Variants in NTM observed in about 807,000 individuals in gnomAD.
The protein encoded by NTM is neurotrimin.
In NTM, 13 loss-of-function variants were observed where a neutral mutation model predicts 42.1. The observed-to-expected ratio is 0.31, with a 90% CI of 0.20 to 0.49. The LOEUF is 0.49. Among genes scored for constraint, NTM ranks in the 20% least tolerant of loss-of-function variants. NTM has a pLI of 0.99. For synonymous variants in NTM, 187 were observed against 179.2 expected, an observed-to-expected ratio of 1.04 and a Z score of -0.35; for missense variants, 373 against 452.8, an observed-to-expected ratio of 0.82 and a Z score of 1.60.
intron 1 of NTM, among the ~76,000 whole-genome samples, chr11:131,508,389 G>T (rs1397688956): frequency 6.6e-6 from 1 of 150,636 alleles, no homozygotes; most frequent in Non-Finnish European, 1.5e-5. Flanking sequence ...GAAACAACAG[G>T]TGCTAAAGAG....
At chr11:131,584,738 C>A (rs1165069200) in intron 1 of NTM, among the ~76,000 whole-genome samples, 1 of 152,220 alleles carries the variant, frequency 6.6e-6, no homozygotes, top group Non-Finnish European at 1.5e-5. Flanking sequence ...TCACCCTGGA[C>A]GGAGCCATTT....
At chr11:131,496,560 G>C (rs950658176) in intron 1 of NTM, among the ~76,000 whole-genome samples, 1 of 152,182 alleles carries the variant, frequency 6.6e-6, no homozygotes, top group Admixed American at 6.5e-5. Context: ...TTGCTCCCCC[G>C]AAGGGTCCAC....
At chr11:132,224,197 C>T (rs1350599242) in intron 4 of NTM, among the ~76,000 whole-genome samples, 1 of 152,178 alleles carries the variant, frequency 6.6e-6, no homozygotes, top group Non-Finnish European at 1.5e-5. Context: ...AAACAGACAA[C>T]TCAACATTTT....
At chr11:131,747,629 G>A (rs181984238) in intron 1 of NTM, among the ~76,000 whole-genome samples, 145 of 152,264 alleles carry the variant, frequency 9.5e-4, no homozygotes, top group African/African-American at 3.1e-3. Context: ...GTTCTGTGGG[G>A]CCACATGGAC....
intron 1 of NTM, among the ~76,000 whole-genome samples, chr11:131,852,889 T>C (rs2136851526): frequency 6.7e-6 from 1 of 149,046 alleles, no homozygotes; most frequent in South Asian, 2.1e-4. Context: ...CGTCCATCCA[T>C]CCATCCACCC....
chr11:132,316,913 G>A (rs1350218874), intron 7 of NTM, among the ~76,000 whole-genome samples: 1 of 152,136 alleles, frequency 6.6e-6, no homozygotes, highest in African/African-American at 2.4e-5. Context: ...AGCACACTTG[G>A]GGCAGGTTGG....
intron 3 of NTM, among the ~76,000 whole-genome samples, chr11:132,169,318 T>A (rs1591978357): frequency 7.9e-6 from 1 of 126,292 alleles, no homozygotes; most frequent in Non-Finnish European, 1.7e-5. Flanking sequence ...TTAATTTTTT[T>A]ACTTTTTTTT....
Position 131,568,650 on chromosome 11 carries a change from G to A in NTM, c.82+197762G>A, listed in dbSNP as rs186071568. On this transcript the variant is annotated intron_variant, in intron 1 of 8. Transcript: ENST00000683400. Reference sequence around the variant, plus strand: ...CCACTGAGACAATCCAACATGGTGGGAAGAGATTTCTTCTGCACATACTGG... The same window carrying A: ...CCACTGAGACAATCCAACATGGTGGAAAGAGATTTCTTCTGCACATACTGG... Among the ~76,000 whole-genome samples the A allele has an allele frequency of 1.7e-3, 259 of 152,222 alleles. 1 individual carries two copies. The highest frequency in any genetic ancestry group is 3.1e-3 in the Non-Finnish European group (213 of 68,006).
At chr11:131,869,134 T>C (rs2047515907) in intron 1 of NTM, among the ~76,000 whole-genome samples, 1 of 151,948 alleles carries the variant, frequency 6.6e-6, no homozygotes, top group Non-Finnish European at 1.5e-5. Context: ...CAACTCTCAA[T>C]TGAGAACATG....
chr11:131,802,883 G>C, intron 1 of NTM, among the ~76,000 whole-genome samples: 1 of 152,210 alleles, frequency 6.6e-6, no homozygotes, highest in East Asian at 1.9e-4. Context: ...AACAGCCTTT[G>C]CTGCTGTTGA....
chr11:131,874,401 A>AG (rs2048289387), intron 1 of NTM, among the ~76,000 whole-genome samples: 1 of 152,156 alleles, frequency 6.6e-6, no homozygotes, highest in African/African-American at 2.4e-5. Context: ...TTTAAAAACA[A>AG]AAAAACCAAG....
intron 1 of NTM, among the ~76,000 whole-genome samples, chr11:131,903,306 C>T (rs1349096484): frequency 6.6e-6 from 1 of 152,160 alleles, no homozygotes; most frequent in African/African-American, 2.4e-5. Flanking sequence ...ATAGCCATGT[C>T]CCAGCTAGGC....
chr11:131,654,493 C>T (rs139746917), intron 1 of NTM, among the ~76,000 whole-genome samples: 75 of 152,198 alleles, frequency 4.9e-4, no homozygotes, highest in African/African-American at 1.0e-3. Context: ...TCTCAGAGTC[C>T]GGTCTCTGCC....
intron 1 of NTM, among the ~76,000 whole-genome samples, chr11:131,503,419 G>A (rs763543202): frequency 4.6e-5 from 7 of 152,154 alleles, no homozygotes; most frequent in Admixed American, 2.6e-4. Flanking sequence ...GGTCCTCACC[G>A]AGGAGGGTCA....
At chr11:132,222,033 A>G (rs985394297) in intron 4 of NTM, among the ~76,000 whole-genome samples, 3 of 152,140 alleles carry the variant, frequency 2.0e-5, no homozygotes, top group African/African-American at 7.2e-5. Flanking sequence ...TTCTCACAGC[A>G]TTCTTACAAA....
Position 131,941,882 on chromosome 11 carries a change from G to T in NTM, c.167+30234G>T, listed in dbSNP as rs576898988. Among the ~76,000 whole-genome samples the T allele has an allele frequency of 4.9e-5, 7 of 141,958 alleles. No individual in the cohort carries two copies. In the South Asian group the frequency reaches 1.1e-3, roughly 23 times the overall value. 93.1% of individuals were successfully genotyped at this position (141,958 alleles called of 152,430 possible). On this transcript the variant is annotated intron_variant, in intron 2 of 8. Transcript: ENST00000683400. ...GTGAGGTGTAGATCCATTCTAATGG[G>T]CAGGTGTTTTCTGCATAATCATCCA... is the stretch of plus-strand genomic sequence containing the variant.
intron 1 of NTM, among the ~76,000 whole-genome samples, chr11:131,597,329 GTCTC>G (rs1272057632): frequency 1.3e-5 from 2 of 151,944 alleles, no homozygotes; most frequent in Non-Finnish European, 2.9e-5. Flanking sequence ...CTGTCTCTCT[GTCTC>G]TCTCTGTCTC....
At chr11:132,259,417 C>A (rs552975708) in intron 4 of NTM, among the ~76,000 whole-genome samples, 41 of 152,146 alleles carry the variant, frequency 2.7e-4, no homozygotes, top group African/African-American at 9.9e-4. Context: ...CTTGGTGGCT[C>A]GTGCCTGTAA....
At chr11:131,376,753 A>G (rs1183804062) in intron 1 of NTM, among the ~76,000 whole-genome samples, 1 of 150,162 alleles carries the variant, frequency 6.7e-6, no homozygotes, top group Non-Finnish European at 1.5e-5. Context: ...TTTTGGCTTT[A>G]CTTCCTCATT....
Sources: gnomAD v4.1 joint callset for allele counts (sites outside exome capture counted in the v4.1 genomes callset) on GRCh38, gnomAD v4.1.1 for gene constraint, MANE v1.5 for transcripts, NCBI Gene and HGNC (gene_info 2026-07-23, HGNC 2026-07-21) for gene names.